The following CACNA1B variants were observed in gnomAD, a reference collection of about 807,000 sequenced individuals.
The protein encoded by CACNA1B is voltage-dependent N-type calcium channel subunit alpha-1B.
Under a neutral mutation model 247.2 loss-of-function variants are expected in CACNA1B, and 70 were observed. The observed-to-expected ratio is 0.28, with a 90% CI of 0.23 to 0.35. The LOEUF is 0.35. Ranked by LOEUF, CACNA1B falls within the 10% of genes least tolerant of loss-of-function variation. CACNA1B has a pLI of 1.00. For synonymous variants in CACNA1B, 1,231 were observed against 1,294.4 expected (o/e 0.95, Z 1.05); for missense variants, 2,367 against 3,197.4 (o/e 0.74, Z 6.26).
At position 137,891,005 on chromosome 9, in the gene CACNA1B, T is replaced by G. The variant is rs1957091261; in HGVS notation, c.530+8122T>G. ...TGATCTTTCCAGCTCTGCCTGTGGG[T>G]GGGGGATGGAAGGGAGGGACACAGC... On this transcript the variant is annotated intron_variant, in intron 3 of 46. Coordinates refer to ENST00000371372, the MANE Select transcript of CACNA1B (RefSeq NM_000718.4). The surrounding 1 kb of genome is among the most constrained non-coding windows in gnomAD (Gnocchi z 4.3). 6.7e-6 allele frequency: 1 copy of G among 150,358 alleles called. No homozygotes were observed. The allele number at this position is 150,358 out of a possible 1,614,324, so 9.3% of individuals were successfully genotyped here.
intron 36 of CACNA1B, among the ~76,000 whole-genome samples, chr9:138,093,403 C>CAAAAAAAAAAAAA (rs58608297): frequency 4.6e-5 from 2 of 43,250 alleles, no homozygotes; most frequent in Non-Finnish European, 1.0e-4. Flanking sequence ...GACTCTGTCT[C>CAAAAAAAAAAAAA]AAAAAAAAAA....
chr9:137,988,818 G>C (rs1958398189), intron 15 of CACNA1B, among the ~76,000 whole-genome samples: 1 of 152,194 alleles, frequency 6.6e-6, no homozygotes, highest in Admixed American at 6.5e-5. Context: ...CTGAGGAGGG[G>C]TGAAGGCTTG....
At chr9:138,065,553 C>T (rs1012895346) in intron 31 of CACNA1B, among the ~76,000 whole-genome samples, 1 of 152,162 alleles carries the variant, frequency 6.6e-6, no homozygotes, top group Non-Finnish European at 1.5e-5. Flanking sequence ...TCCTCCTCTG[C>T]GTGGCAGAGC....
intron 36 of CACNA1B, among the ~76,000 whole-genome samples, chr9:138,095,272 C>G (rs1345720446): frequency 6.6e-6 from 1 of 152,112 alleles, no homozygotes; most frequent in East Asian, 1.9e-4. Context: ...AAAAACCAAA[C>G]AGCTCAATTT....
chr9:138,101,321 C>A, intron 37 of CACNA1B: 1 of 449,276 alleles, frequency 2.2e-6, no homozygotes. Flanking sequence ...TCCTGCCCCG[C>A]ACTCCAGCCT....
chr9:137,913,362 C>A lies in CACNA1B; in HGVS notation c.622+91C>A. 9.9e-7 allele frequency: 1 copy of A among 1,013,274 alleles called. No homozygotes were observed. Among genetic ancestry groups the A allele is most frequent in the Non-Finnish European group, 1.5e-6 (1 of 669,206 alleles). The allele number at this position is 1,013,274 out of a possible 1,614,324, so 62.8% of individuals were successfully genotyped here. A position where few individuals can be genotyped will look rare whatever the true frequency, so the allele number is the denominator to read the frequency against. ...GGACATGGCCATGGCCATGGTTTGG[C>A]TTTGGTGACTCTGAGCTTGCCACTT... On this transcript the variant is annotated intron_variant, in intron 4 of 46. Transcript: ENST00000371372. This position sits in a 1 kb window ranked among gnomAD's most constrained non-coding sequence, Gnocchi z 5.2.
intron 36 of CACNA1B, among the ~76,000 whole-genome samples, chr9:138,083,726 C>G (rs191222604): frequency 1.3e-5 from 2 of 150,822 alleles, no homozygotes; most frequent in Admixed American, 1.3e-4. Flanking sequence ...GCCCTGCTTT[C>G]CTGGAGCTAG....
At chr9:138,000,319 C>T (rs4876922) in intron 15 of CACNA1B, among the ~76,000 whole-genome samples, 139,848 of 152,036 alleles carry the variant, frequency 0.92, 64,393 homozygotes, top group East Asian at 0.98. Flanking sequence ...AGGATGGTCT[C>T]GATCTCCTGA....
chr9:138,113,543 C>T (rs34256584), intron 40 of CACNA1B, among the ~76,000 whole-genome samples: 32,378 of 114,036 alleles, frequency 0.28, 2,959 homozygotes, highest in Non-Finnish European at 0.37. Flanking sequence ...TTGTGGGAGA[C>T]GTGAGGGAGC....
intron 10 of CACNA1B, among the ~76,000 whole-genome samples, chr9:137,965,765 T>C (rs1397841684): frequency 6.6e-6 from 1 of 152,182 alleles, no homozygotes; most frequent in African/African-American, 2.4e-5. Flanking sequence ...TTTGTGTTTT[T>C]AGTAGAGACA....
At chr9:138,017,061 C>G in intron 18 of CACNA1B, 1 of 499,124 alleles carries the variant, frequency 2.0e-6, no homozygotes, top group Non-Finnish European at 4.0e-6. Flanking sequence ...ACTGGCGTGG[C>G]TCTCAGTGTC....
At chr9:137,982,915 C>G (rs1023643165) in intron 12 of CACNA1B, among the ~76,000 whole-genome samples, 1 of 152,136 alleles carries the variant, frequency 6.6e-6, no homozygotes, top group African/African-American at 2.4e-5. Context: ...CTGTGGACAA[C>G]GTAGAGAAAT....
chr9:138,081,688 T>G (rs946429019), intron 36 of CACNA1B, among the ~76,000 whole-genome samples: 3 of 151,132 alleles, frequency 2.0e-5, no homozygotes, highest in Non-Finnish European at 4.4e-5. Context: ...GTCCTGAGAT[T>G]GGTATTATTA....
Position 137,929,734 on chromosome 9 carries a change from C to T in CACNA1B, c.966+12303C>T, listed in dbSNP as rs192397374. ...GGGGCATGGTCATAGCTCACTGTAG[C>T]CTCAATTTCCTGGGCTCAAGTAATC... is the stretch of plus-strand genomic sequence containing the variant. On this transcript the variant is annotated intron_variant, in intron 6 of 46. Coordinates refer to ENST00000371372, the MANE Select transcript of CACNA1B (RefSeq NM_000718.4). Among the ~76,000 whole-genome samples the T allele has an allele frequency of 1.1e-4, 16 of 152,104 alleles. No homozygotes were observed. The East Asian group carries it at 3.1e-3, about 30-fold the overall frequency.
Position 138,121,670 on chromosome 9 carries a change from GGGC to G in CACNA1B, c.6692_6694del (p.Gly2231_Leu2232delinsVal). Reference sequence around the variant, plus strand: ...CTTCTCCCCAGGCCGGCTCAGCCGTGGGCTTTCCGAACACAACGCCCTGCTGCA... The same window carrying G: ...CTTCTCCCCAGGCCGGCTCAGCCGTGTTTCCGAACACAACGCCCTGCTGCA... On this transcript the variant is annotated inframe_deletion, in exon 47 of 47. Transcript: ENST00000371372. This position sits in a 1 kb window ranked among gnomAD's most constrained non-coding sequence, Gnocchi z 6.8. 6.2e-7 allele frequency: 1 copy of G among 1,613,060 alleles called. No individual in the cohort carries two copies.
At chr9:138,111,931 C>T (rs571233767) in intron 39 of CACNA1B, among the ~76,000 whole-genome samples, 21 of 137,184 alleles carry the variant, frequency 1.5e-4, no homozygotes, top group Admixed American at 4.8e-4. Context: ...TTGCACTCTC[C>T]GGTACACTTT....
chr9:138,096,120 TA>T (rs1258746353), intron 36 of CACNA1B, among the ~76,000 whole-genome samples: 16 of 152,256 alleles, frequency 1.1e-4, no homozygotes, highest in Admixed American at 9.2e-4. Flanking sequence ...AACTTAATTT[TA>T]AAATAAGAAC....
At chr9:137,964,954 G>T (rs1194897578) in intron 10 of CACNA1B, among the ~76,000 whole-genome samples, 1 of 152,184 alleles carries the variant, frequency 6.6e-6, no homozygotes, top group Non-Finnish European at 1.5e-5. Context: ...CCCTAGGGCT[G>T]CTGCAGTTTT....
chr9:138,043,217 C>T (rs963530511), intron 20 of CACNA1B, among the ~76,000 whole-genome samples: 5 of 152,102 alleles, frequency 3.3e-5, no homozygotes, highest in South Asian at 2.1e-4. Context: ...CGGGGCCTGG[C>T]GAGGGAGCAG....
Sources: allele counts gnomAD v4.1 joint callset (sites outside exome capture counted in the v4.1 genomes callset), GRCh38; gene constraint gnomAD v4.1.1; non-coding constraint Gnocchi (gnomAD v3.1); transcripts MANE v1.5; gene names NCBI Gene and HGNC (gene_info 2026-07-23, HGNC 2026-07-21).